ABCC1: variants seen among roughly 807,000 people sequenced by gnomAD.
ABCC1 encodes ATP binding cassette subfamily C member 1 (ABCC1 blood group), also known as multidrug resistance-associated protein 1.
In ABCC1, 83 loss-of-function variants were observed where a neutral mutation model predicts 172.9. The observed-to-expected ratio is 0.48, with a 90% CI of 0.40 to 0.58. The LOEUF is 0.58. ABCC1 is among the 20% of genes least tolerant of loss of function. The pLI is 0.00. For synonymous variants in ABCC1, 937 were observed against 825.2 expected (o/e 1.14, Z -2.32); for missense variants, 1,817 against 2,002.7 (o/e 0.91, Z 1.77).
intron 1 of ABCC1, among the ~76,000 whole-genome samples, chr16:15,977,163 G>A (rs182482): frequency 0.64 from 96,612 of 151,978 alleles, 31,365 homozygotes; most frequent in South Asian, 0.72. Flanking sequence ...GAAGATGACG[G>A]TGGTTTTTCC....
Position 16,076,381 on chromosome 16 carries a change from C to T in ABCC1, c.1968C>T (p.Ser656=), listed in dbSNP as rs375573621. ...VRNATFTWAR[S]DPPTLNGITF... ...ATGCCACATTCACCTGGGCCAGGAG[C>T]GACCCTCCCACACTGAATGGGTAAG... Residue 656 remains serine, a synonymous_variant, in exon 15 of 31, where the codon AGC becomes AGT. Transcript: ENST00000399410. 2.6e-5 allele frequency: 42 copies of T among 1,610,688 alleles called. No homozygotes were observed. The highest frequency in any genetic ancestry group is 1.3e-4 in the African/African-American group (10 of 74,796).
intron 18 of ABCC1, among the ~76,000 whole-genome samples, chr16:16,087,285 T>C (rs2074086): frequency 0.41 from 62,009 of 151,956 alleles, 14,114 homozygotes; most frequent in African/African-American, 0.63. Flanking sequence ...GGAATCCCAC[T>C]CCAAGACATT....
intron 24 of ABCC1, 64 bp from the exon 25 acceptor site, chr16:16,124,725 T>C: frequency 6.2e-7 from 1 of 1,608,968 alleles, no homozygotes; most frequent in Non-Finnish European, 8.5e-7. Flanking sequence ...CCCCAAGAGC[T>C]GTAAGCCAAG....
At position 16,122,067 on chromosome 16, in the gene ABCC1, G is replaced by A. The variant is rs767610971; in HGVS notation, c.3483G>A (p.Gly1161=). The change falls in exon 24 of 31, where the codon GGG becomes GGA. Residue 1161 remains glycine (G), a synonymous_variant. Transcript: ENST00000399410. The part of the protein sequence containing the change: ...VYSHFNETLL[G]VSVIRAFEEQ... ...CCCATTTCAACGAGACCTTGCTGGG[G>A]GTCAGCGTCATTCGAGCCTTCGAGG... 3.1e-6 allele frequency: 5 copies of A among 1,614,192 alleles called. No homozygotes were observed. The highest frequency in any genetic ancestry group is 1.6e-4 in the Middle Eastern group (1 of 6,062).
chr16:15,952,365 G>T (rs2045892786), intron 1 of ABCC1, among the ~76,000 whole-genome samples: 1 of 152,118 alleles, frequency 6.6e-6, no homozygotes, highest in Admixed American at 6.6e-5. Flanking sequence ...CCTGGCTCCT[G>T]TTGTGACCAA....
chr16:16,055,552 A>G (rs1323377215), intron 11 of ABCC1, among the ~76,000 whole-genome samples: 2 of 151,484 alleles, frequency 1.3e-5, no homozygotes, highest in Non-Finnish European at 2.9e-5. Context: ...TCCGTCACAA[A>G]AAAAAAAAGA....
intron 1 of ABCC1, among the ~76,000 whole-genome samples, chr16:15,991,855 C>T (rs535774187): frequency 6.6e-6 from 1 of 152,180 alleles, no homozygotes; most frequent in South Asian, 2.1e-4. Flanking sequence ...TTCCCATCTC[C>T]CCTAGGATCT....
intron 15 of ABCC1, among the ~76,000 whole-genome samples, chr16:16,078,633 C>T (rs1465601286): frequency 1.3e-5 from 2 of 152,110 alleles, no homozygotes; most frequent in African/African-American, 2.4e-5. Context: ...CGGCTCTCCA[C>T]ATGTTTCTGT....
At chr16:15,995,905 G>T (rs1397592529) in intron 1 of ABCC1, among the ~76,000 whole-genome samples, 1 of 151,328 alleles carries the variant, frequency 6.6e-6, no homozygotes, top group African/African-American at 2.4e-5. Flanking sequence ...GAACTCCTGG[G>T]CTCAAGTGAT....
chr16:16,037,461 C>G (rs866312611), intron 7 of ABCC1, among the ~76,000 whole-genome samples: 1 of 151,856 alleles, frequency 6.6e-6, no homozygotes, highest in Non-Finnish European at 1.5e-5. Flanking sequence ...TTGCGTGATG[C>G]GTTATTATTC....
At chr16:16,016,475 C>T (rs1370758402) in intron 4 of ABCC1, 21 bp from the exon 5 acceptor site, 17 of 1,612,938 alleles carry the variant, frequency 1.1e-5, no homozygotes, top group Non-Finnish European at 1.4e-5. Flanking sequence ...TCTTTTTCTT[C>T]CTTCCTTCCC....
intron 12 of ABCC1, among the ~76,000 whole-genome samples, chr16:16,058,980 C>G (rs2049792123): frequency 6.6e-6 from 1 of 151,786 alleles, no homozygotes; most frequent in Non-Finnish European, 1.5e-5. Context: ...TAAAACTCAG[C>G]TTTCTGGGCC....
chr16:15,949,612 C>CGCCGCCGCCGCT (rs2045811563), upstream of ABCC1: 1 of 315,292 alleles, frequency 3.2e-6, no homozygotes, highest in Admixed American at 8.8e-4. Flanking sequence ...CGGCTCCCTG[C>CGCCGCCGCCGCT]GCCGCCGCCG....
chr16:16,015,098 T>C (rs1431352777), intron 4 of ABCC1, among the ~76,000 whole-genome samples: 1 of 151,354 alleles, frequency 6.6e-6, no homozygotes, highest in Non-Finnish European at 1.5e-5. Context: ...TTGGCTGCTG[T>C]GTGCTGCTGC....
intron 1 of ABCC1, among the ~76,000 whole-genome samples, chr16:15,976,238 G>A (rs1270379343): frequency 6.6e-6 from 1 of 152,190 alleles, no homozygotes; most frequent in Non-Finnish European, 1.5e-5. Context: ...CTGCACTCCA[G>A]CCTGGGCAGC....
chr16:16,005,467 C>A (rs1207013202), intron 1 of ABCC1, among the ~76,000 whole-genome samples: 2 of 151,938 alleles, frequency 1.3e-5, no homozygotes, highest in African/African-American at 4.8e-5. Context: ...CCTGCCTCAG[C>A]CTCCCAAGTA....
At chr16:16,063,271 T>A (rs964159363) in intron 12 of ABCC1, among the ~76,000 whole-genome samples, 6 of 152,244 alleles carry the variant, frequency 3.9e-5, no homozygotes, top group Middle Eastern at 3.4e-3. Flanking sequence ...CACACCTGGC[T>A]AATTTTTTGT....
intron 15 of ABCC1, among the ~76,000 whole-genome samples, chr16:16,076,689 T>C (rs945341157): frequency 6.6e-6 from 1 of 152,170 alleles, no homozygotes; most frequent in South Asian, 2.1e-4. Flanking sequence ...CTTGCGTAAC[T>C]GGGAAGTTCT....
chr16:16,034,426 A>G (rs558086781), intron 6 of ABCC1, among the ~76,000 whole-genome samples: 41 of 152,260 alleles, frequency 2.7e-4, no homozygotes, highest in African/African-American at 7.7e-4. Flanking sequence ...CAGTTGATGT[A>G]ATTTGTTCAT....
Sources: gnomAD v4.1 joint callset for allele counts (sites outside exome capture counted in the v4.1 genomes callset) on GRCh38, gnomAD v4.1.1 for gene constraint, MANE v1.5 for transcripts, NCBI Gene and HGNC (gene_info 2026-07-23, HGNC 2026-07-21) for gene names.